PCNX1: variants seen among roughly 807,000 people sequenced by gnomAD.
PCNX1 encodes pecanex 1, also known as pecanex-like protein 1.
A neutral mutation model predicts 242.2 loss-of-function variants in PCNX1; 78 were observed. The observed-to-expected ratio is 0.32, with a 90% CI of 0.27 to 0.39. The LOEUF (loss-of-function observed/expected upper bound fraction) is 0.39, where lower values mean the gene tolerates loss of function less well. Ranked by LOEUF, PCNX1 falls within the 10% of genes least tolerant of loss-of-function variation. The pLI is 1.00. For synonymous variants in PCNX1, 1,024 were observed against 1,032.9 expected (o/e 0.99, Z 0.17); for missense variants, 2,581 against 2,856.5 (o/e 0.90, Z 2.20).
intron 28 of PCNX1, among the ~76,000 whole-genome samples, chr14:71,080,048 A>G (rs1418371713): frequency 2.6e-5 from 4 of 152,152 alleles, no homozygotes; most frequent in South Asian, 2.1e-4. Flanking sequence ...TAATTTTTGT[A>G]TAAGGTGTAA....
At chr14:71,088,710 C>T (rs1039276241) in intron 29 of PCNX1, among the ~76,000 whole-genome samples, 8 of 152,054 alleles carry the variant, frequency 5.3e-5, no homozygotes, top group Non-Finnish European at 1.2e-4. Context: ...TTTTGATTGG[C>T]CTCCTCCTGT....
chr14:71,032,031 G>A, intron 16 of PCNX1: 2 of 828,340 alleles, frequency 2.4e-6, no homozygotes, highest in South Asian at 1.4e-5. Flanking sequence ...CAAGGAGTGG[G>A]TTTAAGAGTG....
intron 24 of PCNX1, among the ~76,000 whole-genome samples, chr14:71,052,900 G>C (rs2061078862): frequency 6.6e-6 from 1 of 152,132 alleles, no homozygotes; most frequent in African/African-American, 2.4e-5. Context: ...ACGCTTTTAG[G>C]AGTTATGAGT....
chr14:71,112,660 TTA>T lies in PCNX1; in HGVS notation c.*2726_*2727del. On this transcript the variant is annotated 3_prime_UTR_variant, in exon 36 of 36. Transcript: ENST00000304743. ...CCCCAGAGAATAGTGAGTGACTCGT[TTA>T]GATTCTCTGCTTTTTTTCAGTTATG... 6.6e-6 allele frequency: 1 copy of T among 152,132 alleles called. No individual in the cohort carries two copies. Among genetic ancestry groups the T allele is most frequent in the East Asian group, 1.9e-4 (1 of 5,204 alleles). The allele number at this position is 152,132 out of a possible 1,614,324, so 9.4% of individuals were successfully genotyped here. A position where few individuals can be genotyped will look rare whatever the true frequency, so the allele number is the denominator to read the frequency against.
At chr14:70,952,572 C>T (rs1244059832) in intron 2 of PCNX1, among the ~76,000 whole-genome samples, 1 of 150,100 alleles carries the variant, frequency 6.7e-6, no homozygotes, top group African/African-American at 2.5e-5. Flanking sequence ...ATGCATTTCT[C>T]TATGAGAGAT....
chr14:71,091,851 T>C (rs1478740155), intron 30 of PCNX1, among the ~76,000 whole-genome samples: 1 of 152,224 alleles, frequency 6.6e-6, no homozygotes, highest in Non-Finnish European at 1.5e-5. Context: ...GCTATTGCAG[T>C]GAGCTCAAAT....
In PCNX1 at chr14:71,060,294, C is replaced by T. The variant is rs541251096; in HGVS notation, c.4852+2570C>T. On this transcript the variant is annotated intron_variant, in intron 26 of 35. Transcript: ENST00000304743. ...CTAGCACATACAATTATGTACAGTA[C>T]ATAGTACTAGATAATGATAATAAAC... 2.1e-3 allele frequency among the ~76,000 whole-genome samples: 315 copies of T among 152,166 alleles called. 2 individuals carry two copies. Among genetic ancestry groups the T allele is most frequent in the Middle Eastern group, 6.8e-3 (2 of 294 alleles).
In PCNX1 at chr14:71,033,947, A is replaced by C. The variant is rs901489871; in HGVS notation, c.3685A>C (p.Lys1229Gln). ...CACATAAAGCTCTTTAGTGCAATCC[A>C]AGATTTTTCCAAAAACGGAAGAGAA... is the stretch of plus-strand genomic sequence containing the variant. The part of the protein sequence containing the change: ...PSVLFSLVQS[K>Q]IFPKTEEKNP... Residue 1229 changes from lysine to glutamine, a missense_variant, in exon 18 of 36, where the codon AAG (lysine) becomes CAG (glutamine). By Grantham distance (53) the Lys-to-Gln change is moderately conservative. This residue lies in a region of PCNX1 where 432 missense variants were observed against 443.1 expected (regional missense o/e 0.97). Coordinates refer to ENST00000304743, the MANE Select transcript of PCNX1 (RefSeq NM_014982.3). 6.3e-6 allele frequency: 10 copies of C among 1,598,410 alleles called. No homozygotes were observed. The highest frequency in any genetic ancestry group is 7.7e-6 in the Non-Finnish European group (9 of 1,169,194).
intron 6 of PCNX1, among the ~76,000 whole-genome samples, chr14:70,979,672 A>G (rs1224345894): frequency 6.6e-6 from 1 of 152,136 alleles, no homozygotes; most frequent in Non-Finnish European, 1.5e-5. Flanking sequence ...TTGTTTGTAC[A>G]AACATTATGA....
chr14:70,944,897 G>C (rs150851329), intron 1 of PCNX1, among the ~76,000 whole-genome samples: 38 of 152,268 alleles, frequency 2.5e-4, no homozygotes, highest in Admixed American at 2.2e-3. Context: ...CCTGTGAAGC[G>C]GTGCCTTCTG....
At chr14:71,043,956 AT>A (rs1341540341) in intron 19 of PCNX1, among the ~76,000 whole-genome samples, 1 of 152,020 alleles carries the variant, frequency 6.6e-6, no homozygotes, top group Non-Finnish European at 1.5e-5. Context: ...AGTTTTTCCA[AT>A]TGTATGGATT....
intron 7 of PCNX1, among the ~76,000 whole-genome samples, chr14:70,992,816 A>G (rs980507084): frequency 6.6e-6 from 1 of 152,200 alleles, no homozygotes; most frequent in African/African-American, 2.4e-5. Flanking sequence ...AGTTTAGGAT[A>G]AAGTGCAGCC....
chr14:71,039,373 C>T (rs1317700089), intron 19 of PCNX1, among the ~76,000 whole-genome samples: 1 of 152,132 alleles, frequency 6.6e-6, no homozygotes, highest in African/African-American at 2.4e-5. Flanking sequence ...GTTTACATGC[C>T]TCAGTTCCTT....
intron 1 of PCNX1, among the ~76,000 whole-genome samples, chr14:70,944,746 G>A (rs1446678097): frequency 5.3e-5 from 8 of 152,216 alleles, no homozygotes; most frequent in Non-Finnish European, 8.8e-5. Context: ...TGTGTCTAGA[G>A]TAGGACCAGA....
rs1244475478 is a variant in PCNX1 at position 71,034,123 on chromosome 14, T to A, written c.3774+87T>A. ...ATGAGGAACACTTTTTGAAAGTCAT[T>A]AGTAATTGGAGAAAAATGTATAATT... On this transcript the variant is annotated intron_variant, in intron 18 of 35. Coordinates refer to ENST00000304743, the MANE Select transcript of PCNX1 (RefSeq NM_014982.3). 1.0e-5 allele frequency: 7 copies of A among 699,486 alleles called. No individual in the cohort carries two copies. In the African/African-American group the frequency reaches 1.3e-4, roughly 13 times the overall value. 43.3% of individuals were successfully genotyped at this position (699,486 alleles called of 1,614,324 possible). A position where few individuals can be genotyped will look rare whatever the true frequency, so the allele number is the denominator to read the frequency against.
At chr14:71,068,118 G>A (rs1016245434) in intron 26 of PCNX1, among the ~76,000 whole-genome samples, 1 of 151,912 alleles carries the variant, frequency 6.6e-6, no homozygotes, top group Non-Finnish European at 1.5e-5. Context: ...TCTGAGGTTT[G>A]GAGTTCGAGA....
At chr14:71,039,967 G>A (rs2060658147) in intron 19 of PCNX1, among the ~76,000 whole-genome samples, 1 of 152,006 alleles carries the variant, frequency 6.6e-6, no homozygotes, top group Non-Finnish European at 1.5e-5. Context: ...CTGCTTGAAA[G>A]ATTTCCTAGG....
Position 71,033,964 on chromosome 14 carries a change from G to T in PCNX1, c.3702G>T (p.Thr1234=). 6.2e-7 allele frequency: 1 copy of T among 1,605,428 alleles called. No homozygotes were observed. ...TGCAATCCAAGATTTTTCCAAAAAC[G>T]GAAGAGAAAAATCCAGAAGACCCTC... ...SLVQSKIFPK[T]EEKNPEDPLS... is the part of the protein sequence containing the mutation. The change falls in exon 18 of 36, where the codon ACG becomes ACT. Residue 1234 remains threonine (T), a synonymous_variant. Transcript: ENST00000304743.
rs2060829990 is a variant in PCNX1, at chr14:71,045,345, A to G, written c.4018+62A>G. The G allele has an allele frequency of 2.6e-6, 3 of 1,166,386 alleles. No homozygotes were observed. In the Admixed American group the frequency reaches 6.5e-5, roughly 25 times the overall value. 72.3% of individuals were successfully genotyped at this position (1,166,386 alleles called of 1,614,324 possible). A position where few individuals can be genotyped will look rare whatever the true frequency, so the allele number is the denominator to read the frequency against. ...ATGAGTTTTTCCCTTTGCTATATTG[A>G]TAGATGACTGAGTTAAGTGAATATC... On this transcript the variant is annotated intron_variant, in intron 20 of 35. Transcript: ENST00000304743.
Sources: allele counts gnomAD v4.1 joint callset (sites outside exome capture counted in the v4.1 genomes callset), GRCh38; gene constraint gnomAD v4.1.1; regional missense constraint gnomAD v4.1.1; transcripts MANE v1.5; gene names NCBI Gene and HGNC (gene_info 2026-07-23, HGNC 2026-07-21).